TRPM3: variants seen among roughly 807,000 people sequenced by gnomAD.
TRPM3 encodes the protein transient receptor potential cation channel subfamily M member 3, also known as long transient receptor potential channel 3.
TRPM3 carries 77 observed loss-of-function variants against 181.2 expected under a neutral mutation model. The ratio of observed to expected loss-of-function variants is 0.42; its 90% CI spans 0.35 to 0.51. The LOEUF (loss-of-function observed/expected upper bound fraction) is 0.51. TRPM3 is among the 20% of genes least tolerant of loss of function. The pLI is 0.01. For missense variants in TRPM3, 1,759 were observed against 2,196.7 expected (o/e 0.80, Z 3.98); for synonymous variants, 745 against 796.4 (o/e 0.94, Z 1.09).
intron 1 of TRPM3, among the ~76,000 whole-genome samples, chr9:71,442,456 C>T (rs1183274820): frequency 6.6e-6 from 1 of 151,788 alleles, no homozygotes; most frequent in Non-Finnish European, 1.5e-5. Flanking sequence ...TACATACATG[C>T]TAAGTGCAAG....
chr9:70,634,202 C>T (rs374482959), intron 12 of TRPM3, among the ~76,000 whole-genome samples: 8 of 152,124 alleles, frequency 5.3e-5, no homozygotes, highest in Admixed American at 1.3e-4. Flanking sequence ...CTCCACCTCC[C>T]GGGTTCAAGT....
At chr9:70,810,478 C>T (rs1338911582) in intron 6 of TRPM3, among the ~76,000 whole-genome samples, 1 of 151,876 alleles carries the variant, frequency 6.6e-6, no homozygotes, top group East Asian at 2.0e-4. Context: ...CTCTCCAGCA[C>T]CCTGTTGTAT....
chr9:70,532,788 C>T lies in TRPM3; in HGVS notation c.*3165G>A, dbSNP rs1419395193. The T allele has an allele frequency of 6.6e-6, 1 of 152,192 alleles. No individual in the cohort carries two copies. Among genetic ancestry groups the T allele is most frequent in the African/African-American group, 2.4e-5 (1 of 41,448 alleles). The allele number at this position is 152,192 out of a possible 1,614,324, so 9.4% of individuals were successfully genotyped here. The stretch of plus-strand genomic sequence containing the variant: ...TTTATTTACGGTCCTCAGTAACTTG[C>T]TGCTCATAAACTGCTTAATTCACAA... On this transcript the variant is annotated 3_prime_UTR_variant, in exon 26 of 26. Transcript: ENST00000677713.
At chr9:70,566,981 ATGAG>A (rs1450358723) in intron 22 of TRPM3, among the ~76,000 whole-genome samples, 1 of 152,170 alleles carries the variant, frequency 6.6e-6, no homozygotes, top group East Asian at 1.9e-4. Flanking sequence ...ACCTCACAGT[ATGAG>A]GTTTGGGAGA....
intron 1 of TRPM3, among the ~76,000 whole-genome samples, chr9:71,316,706 A>G (rs985731969): frequency 2.0e-5 from 3 of 152,170 alleles, no homozygotes; most frequent in Admixed American, 6.5e-5. Flanking sequence ...ACATAGCCCA[A>G]CTGACACCTT....
At chr9:70,924,970 C>G (rs985306968) in intron 1 of TRPM3, among the ~76,000 whole-genome samples, 2 of 152,152 alleles carry the variant, frequency 1.3e-5, no homozygotes, top group African/African-American at 4.8e-5. Flanking sequence ...CAGAAGCCAG[C>G]TTTCATTCTG....
rs542175465 is a variant in TRPM3 at position 71,041,924 on chromosome 9, T to C, written c.177+79254A>G. ...ATATTTTCTCTTATATTGTCCCCTC[T>C]GTATAAAGATAATTAAAAATAATAA... On this transcript the variant is annotated intron_variant, in intron 1 of 25. Transcript: ENST00000677713. 9.2e-5 allele frequency among the ~76,000 whole-genome samples: 14 copies of C among 152,264 alleles called. No individual in the cohort carries two copies. In the South Asian group the frequency reaches 2.9e-3, roughly 32 times the overall value.
intron 1 of TRPM3, among the ~76,000 whole-genome samples, chr9:71,004,308 G>A (rs1293500500): frequency 6.6e-6 from 1 of 152,244 alleles, no homozygotes; most frequent in East Asian, 1.9e-4. Context: ...CCCAAAGGCT[G>A]GTGATTAAGT....
At chr9:71,205,454 G>T (rs1420006320) in intron 1 of TRPM3, among the ~76,000 whole-genome samples, 1 of 152,018 alleles carries the variant, frequency 6.6e-6, no homozygotes, top group Non-Finnish European at 1.5e-5. Context: ...ACCTAGTTGG[G>T]TAGAGAGTGC....
At chr9:71,376,796 C>G (rs2092677807) in intron 1 of TRPM3, among the ~76,000 whole-genome samples, 1 of 151,978 alleles carries the variant, frequency 6.6e-6, no homozygotes, top group African/African-American at 2.4e-5. Flanking sequence ...AATTTCTGTT[C>G]ACAAATGCAC....
intron 1 of TRPM3, among the ~76,000 whole-genome samples, chr9:71,295,174 G>A (rs566829094): frequency 2.0e-5 from 3 of 152,054 alleles, no homozygotes; most frequent in Admixed American, 2.0e-4. Flanking sequence ...AGCAATATAG[G>A]TCTCTCAATA....
At chr9:71,261,836 G>A (rs890897724) in intron 1 of TRPM3, among the ~76,000 whole-genome samples, 2 of 152,152 alleles carry the variant, frequency 1.3e-5, no homozygotes, top group African/African-American at 2.4e-5. Flanking sequence ...AGTGGAGGCT[G>A]CAAAACAGCA....
intron 1 of TRPM3, among the ~76,000 whole-genome samples, chr9:71,120,252 C>T (rs2073323987): frequency 6.6e-6 from 1 of 152,098 alleles, no homozygotes; most frequent in African/African-American, 2.4e-5. Context: ...AGAACTTTGC[C>T]TTTTTTAACT....
chr9:70,806,619 G>C (rs2090745798), intron 6 of TRPM3, among the ~76,000 whole-genome samples: 1 of 152,118 alleles, frequency 6.6e-6, no homozygotes, highest in Non-Finnish European at 1.5e-5. Context: ...GAACACGGGA[G>C]GCGGGGGTTG....
chr9:71,252,479 C>T (rs1320110305), intron 1 of TRPM3, among the ~76,000 whole-genome samples: 2 of 152,132 alleles, frequency 1.3e-5, no homozygotes, highest in African/African-American at 2.4e-5. Context: ...GTTCCTCCAT[C>T]AACACAGAAT....
chr9:71,181,865 C>G (rs538509255), intron 1 of TRPM3, among the ~76,000 whole-genome samples: 2 of 152,154 alleles, frequency 1.3e-5, no homozygotes, highest in African/African-American at 4.8e-5. Context: ...CTCAGTGTTT[C>G]CAGCACTACC....
intron 1 of TRPM3, among the ~76,000 whole-genome samples, chr9:71,197,512 C>T (rs1337148796): frequency 2.0e-5 from 3 of 151,866 alleles, no homozygotes; most frequent in Non-Finnish European, 4.4e-5. Flanking sequence ...TCCTATTTCT[C>T]CACATCCTCT....
At chr9:71,415,822 G>T (rs1565551162) in intron 1 of TRPM3, among the ~76,000 whole-genome samples, 1 of 151,530 alleles carries the variant, frequency 6.6e-6, no homozygotes. Context: ...ATGGTACAAA[G>T]ATTTTTATAA....
At chr9:70,807,332 A>G (rs941181818) in intron 6 of TRPM3, among the ~76,000 whole-genome samples, 5 of 152,374 alleles carry the variant, frequency 3.3e-5, no homozygotes, top group Non-Finnish European at 5.9e-5. Context: ...TACAACAATC[A>G]TAATTCAACA....
Sources: allele counts gnomAD v4.1 joint callset (sites outside exome capture counted in the v4.1 genomes callset), GRCh38; gene constraint gnomAD v4.1.1; transcripts MANE v1.5; gene names NCBI Gene and HGNC (gene_info 2026-07-23, HGNC 2026-07-21).